Variants in PCDH15 observed in about 807,000 individuals in gnomAD.
The protein encoded by PCDH15 is protocadherin-15.
PCDH15 carries 129 observed loss-of-function variants against 178.5 expected under a neutral mutation model. The observed-to-expected ratio is 0.72, with a 90% CI of 0.63 to 0.84. The LOEUF (loss-of-function observed/expected upper bound fraction) is 0.84, where lower values mean the gene tolerates loss of function less well. Ranked by LOEUF, PCDH15 falls within the 40% of genes least tolerant of loss-of-function variation. The pLI is 0.00. For missense variants in PCDH15, 2,230 were observed against 2,099.9 expected (o/e 1.06, Z -1.21); for synonymous variants, 800 against 732.0 (o/e 1.09, Z -1.50).
chr10:54,829,283 C>A (rs1953183269), intron 3 of PCDH15, among the ~76,000 whole-genome samples: 1 of 151,830 alleles, frequency 6.6e-6, no homozygotes, highest in Non-Finnish European at 1.5e-5. Context: ...AGTTAGTAAC[C>A]TAGATTCTCA....
chr10:54,522,926 A>G (rs903874626), intron 3 of PCDH15, among the ~76,000 whole-genome samples: 4 of 152,228 alleles, frequency 2.6e-5, no homozygotes, highest in African/African-American at 9.6e-5. Context: ...AACTTTGACT[A>G]GGAACTATTG....
chr10:54,778,577 T>C (rs1249668986), intron 1 of PCDH15, among the ~76,000 whole-genome samples: 1 of 152,178 alleles, frequency 6.6e-6, no homozygotes, highest in Non-Finnish European at 1.5e-5. Flanking sequence ...GTTAGTGTTT[T>C]TACTATAATT....
At chr10:54,364,275 T>A (rs1448724503) in intron 5 of PCDH15, among the ~76,000 whole-genome samples, 1 of 152,118 alleles carries the variant, frequency 6.6e-6, no homozygotes, top group Non-Finnish European at 1.5e-5. Flanking sequence ...AACTGTAATT[T>A]TTTTTTTCTG....
At chr10:54,526,906 G>C (rs11004347) in intron 3 of PCDH15, among the ~76,000 whole-genome samples, 2 of 152,012 alleles carry the variant, frequency 1.3e-5, no homozygotes, top group African/African-American at 4.8e-5. Flanking sequence ...ACATGTACGC[G>C]TGTAGATTGA....
intron 25 of PCDH15, among the ~76,000 whole-genome samples, chr10:53,903,886 T>C (rs1053821547): frequency 6.6e-6 from 1 of 152,208 alleles, no homozygotes; most frequent in South Asian, 2.1e-4. Context: ...GAGGTGTTTA[T>C]TTCCACAAAT....
chr10:54,702,786 G>A (rs907813569), intron 1 of PCDH15, among the ~76,000 whole-genome samples: 9 of 152,108 alleles, frequency 5.9e-5, no homozygotes, highest in African/African-American at 1.2e-4. Context: ...GTATAAAGAA[G>A]AGCTGCATCA....
At chr10:54,893,738 T>C (rs886159554) in intron 3 of PCDH15, among the ~76,000 whole-genome samples, 2 of 152,166 alleles carry the variant, frequency 1.3e-5, no homozygotes, top group Non-Finnish European at 2.9e-5. Flanking sequence ...ACATAAAATA[T>C]AATAATTCAT....
At chr10:54,624,733 G>C (rs1008763712) in intron 2 of PCDH15, among the ~76,000 whole-genome samples, 1 of 152,124 alleles carries the variant, frequency 6.6e-6, no homozygotes, top group Non-Finnish European at 1.5e-5. Flanking sequence ...TCTACCTCCT[G>C]TCAGATAAGC....
At chr10:53,819,365 T>C (rs950557624) in intron 33 of PCDH15, among the ~76,000 whole-genome samples, 1 of 151,992 alleles carries the variant, frequency 6.6e-6, no homozygotes, top group Non-Finnish European at 1.5e-5. Context: ...TTCACATTTT[T>C]GTTGCCTTTT....
chr10:54,024,862 G>T (rs2093034610), intron 18 of PCDH15, among the ~76,000 whole-genome samples: 1 of 151,998 alleles, frequency 6.6e-6, no homozygotes, highest in Non-Finnish European at 1.5e-5. Flanking sequence ...AAAAAAGAGG[G>T]TGATCTCTTT....
At chr10:54,640,841 A>G (rs543288315) in intron 2 of PCDH15, among the ~76,000 whole-genome samples, 1 of 152,196 alleles carries the variant, frequency 6.6e-6, no homozygotes, top group East Asian at 1.9e-4. Flanking sequence ...CAGTGGCTCA[A>G]GCCTGTAACC....
At chr10:54,563,171 C>T (rs1170430862) in intron 2 of PCDH15, among the ~76,000 whole-genome samples, 3 of 152,074 alleles carry the variant, frequency 2.0e-5, no homozygotes, top group African/African-American at 7.2e-5. Flanking sequence ...TTTGATCTTC[C>T]TCTTATGATC....
intron 3 of PCDH15, among the ~76,000 whole-genome samples, chr10:54,423,055 T>TA (rs1389778514): frequency 1.4e-4 from 22 of 152,258 alleles, no homozygotes; most frequent in African/African-American, 5.3e-4. Context: ...GTTTTTTCTC[T>TA]AAGCCTAAGG....
rs183134518 is a variant in PCDH15, at chr10:54,291,477, C to A, written c.876+25794G>T. ...AGGCAAGAAATAAGTAATATCAGAG[C>A]AGAACTGAAGGAGATAGGGACACAA... On this transcript the variant is annotated intron_variant, in intron 8 of 37. Coordinates refer to ENST00000644397, the MANE Select transcript of PCDH15 (RefSeq NM_001384140.1). Among the ~76,000 whole-genome samples, 240 of 152,176 alleles carry A rather than the reference C, an allele frequency of 1.6e-3. 1 individual carries two copies. Among genetic ancestry groups the A allele is most frequent in the African/African-American group, 3.5e-3 (145 of 41,516 alleles).
At chr10:54,298,454 G>A (rs558494242) in intron 8 of PCDH15, among the ~76,000 whole-genome samples, 4 of 152,318 alleles carry the variant, frequency 2.6e-5, no homozygotes, top group East Asian at 1.9e-4. Flanking sequence ...CTGGTTCAGA[G>A]AGGACAGAAA....
At chr10:54,139,212 G>C (rs1204603587) in intron 14 of PCDH15, among the ~76,000 whole-genome samples, 1 of 151,828 alleles carries the variant, frequency 6.6e-6, no homozygotes, top group African/African-American at 2.4e-5. Context: ...CTAATGTAAT[G>C]TTGTTAGTTG....
intron 21 of PCDH15, chr10:53,994,988 A>G (rs1182402997): frequency 3.9e-5 from 6 of 152,016 alleles, no homozygotes; most frequent in African/African-American, 7.2e-5. Flanking sequence ...TTACAGTGTG[A>G]GCCCACTCAG....
At chr10:54,517,273 A>C (rs951960600) in intron 3 of PCDH15, among the ~76,000 whole-genome samples, 1 of 152,220 alleles carries the variant, frequency 6.6e-6, no homozygotes. Context: ...GGCAAATTGG[A>C]TAAAGAGTCA....
intron 3 of PCDH15, among the ~76,000 whole-genome samples, chr10:54,421,336 T>G (rs865994349): frequency 6.6e-6 from 1 of 151,592 alleles, no homozygotes; most frequent in Non-Finnish European, 1.5e-5. Context: ...TAGGTTTTAC[T>G]AGAACATGAA....
Sources: allele counts gnomAD v4.1 joint callset (sites outside exome capture counted in the v4.1 genomes callset), GRCh38; gene constraint gnomAD v4.1.1; transcripts MANE v1.5; gene names NCBI Gene and HGNC (gene_info 2026-07-23, HGNC 2026-07-21).